BIRC6: variants seen among roughly 807,000 people sequenced by gnomAD.
The protein encoded by BIRC6 is dual E2 ubiquitin-conjugating enzyme/E3 ubiquitin-protein ligase BIRC6.
A neutral mutation model predicts 503.3 loss-of-function variants in BIRC6; 98 were observed. That is an observed-to-expected ratio of 0.19 (90% CI 0.17 to 0.23). The LOEUF (loss-of-function observed/expected upper bound fraction) is 0.23. Ranked by LOEUF, BIRC6 falls within the 10% of genes least tolerant of loss-of-function variation. The pLI, the probability that BIRC6 is intolerant of heterozygous loss-of-function variation, is 1.00. For missense variants in BIRC6, 5,360 were observed against 5,806.0 expected, an observed-to-expected ratio of 0.92 and a Z score of 2.50; for synonymous variants, 2,240 against 2,078.7, an observed-to-expected ratio of 1.08 and a Z score of -2.11.
At chr2:32,425,431 ATTC>A (rs1420707661) in intron 10 of BIRC6, among the ~76,000 whole-genome samples, 1 of 142,490 alleles carries the variant, frequency 7.0e-6, no homozygotes, top group African/African-American at 2.6e-5. Context: ...CTTTCTGGTA[ATTC>A]TTTTTTTTTT....
intron 23 of BIRC6, among the ~76,000 whole-genome samples, chr2:32,461,486 G>A (rs555549338): frequency 6.6e-6 from 1 of 151,602 alleles, no homozygotes; most frequent in South Asian, 2.1e-4. Flanking sequence ...GATTACAGGC[G>A]TGAGCCACCA....
chr2:32,396,119 A>G (rs1048536610), intron 6 of BIRC6, among the ~76,000 whole-genome samples: 1 of 152,128 alleles, frequency 6.6e-6, no homozygotes, highest in African/African-American at 2.4e-5. Context: ...TATTATAGCA[A>G]ATATTTATAT....
intron 22 of BIRC6, among the ~76,000 whole-genome samples, chr2:32,451,265 T>TC (rs1386994138): frequency 2.0e-5 from 3 of 152,236 alleles, no homozygotes; most frequent in Admixed American, 6.5e-5. Context: ...TTGGCTCTCT[T>TC]TTCCTTGCCA....
intron 33 of BIRC6, among the ~76,000 whole-genome samples, chr2:32,474,295 C>G (rs919753437): frequency 2.6e-5 from 4 of 152,028 alleles, no homozygotes; most frequent in Admixed American, 1.3e-4. Flanking sequence ...AAATGAGAAG[C>G]ATTTTCCTCA....
chr2:32,414,706 T>C, intron 9 of BIRC6, 63 bp from the exon 10 acceptor site: 1 of 1,138,314 alleles, frequency 8.8e-7, no homozygotes, highest in Non-Finnish European at 1.2e-6. Flanking sequence ...TTTACTTGTG[T>C]ATTCATAATG....
chr2:32,410,723 T>C (rs998931628), intron 9 of BIRC6, among the ~76,000 whole-genome samples: 5 of 151,388 alleles, frequency 3.3e-5, no homozygotes, highest in East Asian at 1.9e-4. Flanking sequence ...TTTTTTGAAA[T>C]GGAGTCTCGC....
chr2:32,442,401 A>C lies in BIRC6; in HGVS notation c.4184A>C (p.Glu1395Ala). 3 of 1,611,188 alleles carry C rather than the reference A, an allele frequency of 1.9e-6. No individual in the cohort carries two copies. ...LSDIVRVCFF[E>A]AGRSIAHKCA... ...GACATCGTACGTGTTTGCTTCTTTG[A>C]GGCAGGACGAAGTATAGCCCATAAG... The change falls in exon 19 of 74, where the codon GAG becomes GCG. Residue 1395 changes from glutamate to alanine, a missense_variant. Glu to Ala is a moderately radical substitution (Grantham distance 107). Around this residue, in one of 16 missense-constraint regions of BIRC6, gnomAD observed 2,299 missense variants for 2,267.2 expected, o/e 1.01. Coordinates refer to ENST00000421745, the MANE Select transcript of BIRC6 (RefSeq NM_016252.4).
chr2:32,567,095 C>G (rs763625870), intron 65 of BIRC6, among the ~76,000 whole-genome samples: 1 of 152,134 alleles, frequency 6.6e-6, no homozygotes, highest in Non-Finnish European at 1.5e-5. Context: ...CTCAGCCTCC[C>G]GATTAGCTGG....
chr2:32,490,178 A>G (rs766213632), intron 43 of BIRC6, 27 bp downstream of exon 43: 1 of 1,493,172 alleles, frequency 6.7e-7, no homozygotes, highest in Non-Finnish European at 9.3e-7. Flanking sequence ...ATTCATTTAA[A>G]TCTCTGACAT....
rs1482262265 is a variant in BIRC6 at position 32,515,670 on chromosome 2, G to A, written c.11249G>A (p.Gly3750Glu). 6.2e-7 allele frequency: 1 copy of A among 1,608,246 alleles called. No homozygotes were observed. The highest frequency in any genetic ancestry group is 1.7e-5 in the Admixed American group (1 of 60,020). Residue 3750 changes from glycine (G) to glutamate (E), a missense_variant, in exon 55 of 74, where the codon GGA becomes GAA. Coordinates refer to ENST00000421745, the MANE Select transcript of BIRC6 (RefSeq NM_016252.4). The part of the protein sequence containing the change: ...SASLSSAATT[G>E]LTTQQRTAIE... Reference sequence around the variant, plus strand: ...TCTCTTTCTTCAGCTGCTACAACAGGACTGACTACTCAACAGCGCACAGCA... The same window carrying A: ...TCTCTTTCTTCAGCTGCTACAACAGAACTGACTACTCAACAGCGCACAGCA...
chr2:32,567,619 G>A (rs1330180460), intron 65 of BIRC6, among the ~76,000 whole-genome samples: 2 of 152,214 alleles, frequency 1.3e-5, no homozygotes, highest in East Asian at 1.9e-4. Flanking sequence ...AAAGCTAAAT[G>A]TACCAAGTTT....
At chr2:32,474,160 G>GT (rs1229126983) in intron 33 of BIRC6, among the ~76,000 whole-genome samples, 1 of 151,640 alleles carries the variant, frequency 6.6e-6, no homozygotes, top group Non-Finnish European at 1.5e-5. Flanking sequence ...TTTTTGTTTT[G>GT]TTTTTTATAT....
intron 57 of BIRC6, among the ~76,000 whole-genome samples, chr2:32,521,006 TCAAAATATTTTA>T (rs888539793): frequency 7.2e-5 from 11 of 152,156 alleles, no homozygotes; most frequent in African/African-American, 2.7e-4. Flanking sequence ...ATTCTAGCAT[TCAAAATATTTTA>T]CAAAATAGTT....
chr2:32,395,717 C>A, intron 6 of BIRC6, 124 bp downstream of exon 6: 1 of 733,732 alleles, frequency 1.4e-6, no homozygotes, highest in Non-Finnish European at 2.4e-6. Context: ...TTGTCATTGT[C>A]CTGAGAATGA....
At chr2:32,426,478 C>T (rs191326533) in intron 10 of BIRC6, among the ~76,000 whole-genome samples, 2 of 152,330 alleles carry the variant, frequency 1.3e-5, no homozygotes, top group East Asian at 3.9e-4. Context: ...TGGTGGGCAC[C>T]TGTAATCCCA....
At chr2:32,593,304 A>G (rs994771106) in intron 66 of BIRC6, among the ~76,000 whole-genome samples, 8 of 152,312 alleles carry the variant, frequency 5.3e-5, no homozygotes, top group African/African-American at 1.7e-4. Flanking sequence ...AATGTCCTAT[A>G]TACTTAAACC....
At chr2:32,481,776 A>G (rs1389460441) in intron 38 of BIRC6, among the ~76,000 whole-genome samples, 2 of 146,150 alleles carry the variant, frequency 1.4e-5, no homozygotes, top group Non-Finnish European at 3.0e-5. Context: ...AAAAAAAAAG[A>G]AAAAAAAAAA....
At chr2:32,424,773 A>C (rs565355974) in intron 10 of BIRC6, among the ~76,000 whole-genome samples, 41 of 152,134 alleles carry the variant, frequency 2.7e-4, no homozygotes, top group Admixed American at 9.8e-4. Flanking sequence ...TCGCCCACCC[A>C]ACGTGCTGGG....
rs370521293 is a variant in BIRC6, at chr2:32,401,418, A to G, written c.1257+33A>G. 2.5e-5 allele frequency: 41 copies of G among 1,612,700 alleles called. No homozygotes were observed. The African/African-American group carries it at 4.9e-4, about 19-fold the overall frequency. On this transcript the variant is annotated intron_variant, in intron 7 of 73. Coordinates refer to ENST00000421745, the MANE Select transcript of BIRC6 (RefSeq NM_016252.4). ...TGAATTTTGAAGTAACAAATTAGTA[A>G]TTGAAAAAAGATCAGTTGTAAACTT...
Sources: gnomAD v4.1 joint callset for allele counts (sites outside exome capture counted in the v4.1 genomes callset) on GRCh38, gnomAD v4.1.1 for gene constraint, gnomAD v4.1.1 regional missense constraint, MANE v1.5 for transcripts, NCBI Gene and HGNC (gene_info 2026-07-23, HGNC 2026-07-21) for gene names.